UBE2G1: variants seen among roughly 807,000 people sequenced by gnomAD.
UBE2G1 encodes ubiquitin-conjugating enzyme E2 G1.
Under a neutral mutation model 22.7 loss-of-function variants are expected in UBE2G1, and 5 were observed. The ratio of observed to expected loss-of-function variants is 0.22; its 90% confidence interval spans 0.12 to 0.46. The LOEUF is 0.46. UBE2G1 is among the 20% of genes least tolerant of loss of function. The pLI, the probability that UBE2G1 is intolerant of heterozygous loss-of-function variation, is 0.99. For missense variants in UBE2G1, 88 were observed against 203.9 expected, an observed-to-expected ratio of 0.43 and a Z score of 3.46; for synonymous variants, 74 against 67.5, an observed-to-expected ratio of 1.10 and a Z score of -0.47.
At chr17:4,342,544 T>C (rs1217164748) in intron 1 of UBE2G1, among the ~76,000 whole-genome samples, 1 of 152,214 alleles carries the variant, frequency 6.6e-6, no homozygotes, top group Non-Finnish European at 1.5e-5. Context: ...TTTGTGCCAC[T>C]GAACTCCTGC....
At chr17:4,335,004 A>G (rs370534797) in intron 1 of UBE2G1, among the ~76,000 whole-genome samples, 1 of 152,192 alleles carries the variant, frequency 6.6e-6, no homozygotes, top group East Asian at 1.9e-4. Flanking sequence ...AACAAACATG[A>G]TATCAAACAA....
At chr17:4,325,034 G>A (rs1314307814) in intron 1 of UBE2G1, among the ~76,000 whole-genome samples, 6 of 151,714 alleles carry the variant, frequency 4.0e-5, no homozygotes, top group Admixed American at 6.6e-5. Flanking sequence ...CCAAGATCGC[G>A]CCACTGCACT....
At chr17:4,273,782 C>G (rs1968788371) in intron 5 of UBE2G1, among the ~76,000 whole-genome samples, 1 of 152,094 alleles carries the variant, frequency 6.6e-6, no homozygotes, top group African/African-American at 2.4e-5. Flanking sequence ...ATCTTTAGGT[C>G]AAGTGTTCCA....
At chr17:4,290,779 CTTTT>C (rs34313850) in intron 3 of UBE2G1, among the ~76,000 whole-genome samples, 56 of 117,926 alleles carry the variant, frequency 4.7e-4, no homozygotes, top group South Asian at 1.5e-3. Flanking sequence ...CCATTCCTGG[CTTTT>C]TTTTTTTTTT....
chr17:4,282,696 G>T, intron 5 of UBE2G1, 102 bp downstream of exon 5: 1 of 728,254 alleles, frequency 1.4e-6, no homozygotes, highest in Non-Finnish European at 2.3e-6. Context: ...AAAAAATGAA[G>T]TCAATGAAAA....
intron 1 of UBE2G1, among the ~76,000 whole-genome samples, chr17:4,338,914 G>A (rs576608866): frequency 2.0e-5 from 3 of 152,220 alleles, no homozygotes; most frequent in Middle Eastern, 3.4e-3. Flanking sequence ...GTACAATGAC[G>A]GTGCTAGTGC....
intron 1 of UBE2G1, among the ~76,000 whole-genome samples, chr17:4,355,068 G>A (rs1567530867): frequency 1.3e-5 from 2 of 152,006 alleles, no homozygotes; most frequent in Non-Finnish European, 2.9e-5. Context: ...CTCTAGTCCG[G>A]ACAACAGAGC....
rs1968911896 is a variant in UBE2G1 at position 4,282,896 on chromosome 17, C to T, written c.452G>A (p.Gly151Glu). ...GCGGGCAACTTTTCTTTTAAATTCT[C>T]CATTTCTATCTTCCCTCCATTCTTT... ...AAKEWREDRN[G>E]EFKRKVARCV... is the part of the protein sequence containing the mutation. Residue 151 changes from glycine to glutamate, a missense_variant, in exon 5 of 6, where the codon GGA (glycine) becomes GAA (glutamate). By Grantham distance (98) the Gly-to-Glu change is moderately conservative (BLOSUM62 -2). Coordinates refer to ENST00000396981, the MANE Select transcript of UBE2G1 (RefSeq NM_003342.5). 6.2e-7 allele frequency: 1 copy of T among 1,613,180 alleles called. No homozygotes were observed. The highest frequency in any genetic ancestry group is 8.5e-7 in the Non-Finnish European group (1 of 1,179,724).
At chr17:4,316,940 A>AT in intron 1 of UBE2G1, among the ~76,000 whole-genome samples, 1 of 37,006 alleles carries the variant, frequency 2.7e-5, no homozygotes, top group African/African-American at 4.1e-5. Context: ...CTCTTGAATA[A>AT]AAAAAAAAAA....
chr17:4,347,718 C>A (rs1969795826), intron 1 of UBE2G1, among the ~76,000 whole-genome samples: 1 of 152,106 alleles, frequency 6.6e-6, no homozygotes, highest in Non-Finnish European at 1.5e-5. Flanking sequence ...CTCAAGTGAT[C>A]CACCCATCTC....
chr17:4,343,998 T>G (rs572867418), intron 1 of UBE2G1, among the ~76,000 whole-genome samples: 5 of 152,000 alleles, frequency 3.3e-5, no homozygotes, highest in African/African-American at 1.2e-4. Flanking sequence ...TGGAAAAAAA[T>G]AGCAATGACT....
At chr17:4,364,833 C>T (rs1970014230) in intron 1 of UBE2G1, among the ~76,000 whole-genome samples, 1 of 152,162 alleles carries the variant, frequency 6.6e-6, no homozygotes, top group South Asian at 2.1e-4. Flanking sequence ...CCGCCAGCCT[C>T]GGCCTCCCGA....
chr17:4,340,056 T>A (rs978057589), intron 1 of UBE2G1, among the ~76,000 whole-genome samples: 1 of 152,156 alleles, frequency 6.6e-6, no homozygotes, highest in African/African-American at 2.4e-5. Flanking sequence ...CTCAGCTTCC[T>A]GATTAGCTGG....
At chr17:4,351,981 T>C (rs751368404) in intron 1 of UBE2G1, among the ~76,000 whole-genome samples, 2 of 152,140 alleles carry the variant, frequency 1.3e-5, no homozygotes, top group Non-Finnish European at 2.9e-5. Context: ...AATGCGGTGG[T>C]CTTGGCCAGG....
intron 1 of UBE2G1, among the ~76,000 whole-genome samples, chr17:4,365,842 C>G (rs933352831): frequency 6.6e-6 from 1 of 152,150 alleles, no homozygotes; most frequent in Admixed American, 6.5e-5. Context: ...CCTCAGACAC[C>G]GAGCCGGGGA....
Position 4,301,401 on chromosome 17 carries a change from G to C in UBE2G1, c.150-4587C>G, listed in dbSNP as rs1343402276. On this transcript the variant is annotated intron_variant, in intron 2 of 5. Coordinates refer to ENST00000396981, the MANE Select transcript of UBE2G1 (RefSeq NM_003342.5). ...GCTGCTGGCCCTTCTGTGGCCTCCAGTCACCTGGCTATGACTTTTGATGCT... is the reference window on the plus strand; with the variant it reads ...GCTGCTGGCCCTTCTGTGGCCTCCACTCACCTGGCTATGACTTTTGATGCT... The C allele has an allele frequency of 1.3e-5, 8 of 616,046 alleles. No homozygotes were observed. In the Admixed American group the frequency reaches 1.4e-4, roughly 11 times the overall value. 38.2% of individuals were successfully genotyped at this position (616,046 alleles called of 1,614,324 possible). A position where few individuals can be genotyped will look rare whatever the true frequency, so the allele number is the denominator to read the frequency against.
intron 1 of UBE2G1, among the ~76,000 whole-genome samples, chr17:4,346,586 C>A (rs1018925125): frequency 3.3e-5 from 5 of 151,678 alleles, no homozygotes; most frequent in African/African-American, 1.2e-4. Context: ...TAGGTGTGCA[C>A]CACCATGCCC....
In UBE2G1 at chr17:4,366,261, G is replaced by A; in HGVS notation, c.46+10C>T. On this transcript the variant is annotated intron_variant, in intron 1 of 5. Coordinates refer to ENST00000396981, the MANE Select transcript of UBE2G1 (RefSeq NM_003342.5). ...GGCCGGGCCCGGCGCCCCGCCGCCCGCCTGCTCACCTGCCAGCTGTCTTCG... is the reference window on the plus strand; with the variant it reads ...GGCCGGGCCCGGCGCCCCGCCGCCCACCTGCTCACCTGCCAGCTGTCTTCG... The A allele has an allele frequency of 6.5e-7, 1 of 1,547,116 alleles. No homozygotes were observed.
chr17:4,359,871 AC>A (rs202195688), intron 1 of UBE2G1, among the ~76,000 whole-genome samples: 38 of 150,202 alleles, frequency 2.5e-4, no homozygotes, highest in East Asian at 5.8e-4. Flanking sequence ...AAAAAAACAA[AC>A]AAAAAAAAAC....
Sources: allele counts gnomAD v4.1 joint callset (sites outside exome capture counted in the v4.1 genomes callset), GRCh38; gene constraint gnomAD v4.1.1; transcripts MANE v1.5; gene names NCBI Gene and HGNC (gene_info 2026-07-23, HGNC 2026-07-21).